The following CHRM3 variants were observed in gnomAD, a reference collection of about 807,000 sequenced individuals.
CHRM3 encodes the protein muscarinic acetylcholine receptor M3.
In CHRM3, 11 loss-of-function variants were observed where a neutral mutation model predicts 41.8. That is an observed-to-expected ratio of 0.26 (90% CI 0.17 to 0.44). The LOEUF (loss-of-function observed/expected upper bound fraction) is 0.44, where lower values mean the gene tolerates loss of function less well. CHRM3 is among the 20% of genes least tolerant of loss of function. CHRM3 has a pLI of 1.00. For missense variants in CHRM3, 571 were observed against 745.4 expected, an observed-to-expected ratio of 0.77 and a Z score of 2.72; for synonymous variants, 297 against 301.4, an observed-to-expected ratio of 0.99 and a Z score of 0.15.
chr1:239,743,243 C>T (rs1187177657), intron 5 of CHRM3, among the ~76,000 whole-genome samples: 2 of 152,152 alleles, frequency 1.3e-5, no homozygotes, highest in Non-Finnish European at 1.5e-5. Context: ...TGCCATTCAT[C>T]ATTACTTTTT....
intron 5 of CHRM3, among the ~76,000 whole-genome samples, chr1:239,825,162 T>C (rs1672352795): frequency 6.6e-6 from 1 of 152,210 alleles, no homozygotes; most frequent in Non-Finnish European, 1.5e-5. Context: ...TGCTTCATTG[T>C]AGTGATTGCT....
intron 3 of CHRM3, among the ~76,000 whole-genome samples, chr1:239,611,641 G>C (rs1040799775): frequency 2.0e-5 from 3 of 151,886 alleles, no homozygotes; most frequent in Admixed American, 6.6e-5. Flanking sequence ...GGATGGTCTT[G>C]ATCTCCTGAC....
chr1:239,538,426 C>G (rs1056191444), intron 2 of CHRM3, among the ~76,000 whole-genome samples: 2 of 152,234 alleles, frequency 1.3e-5, no homozygotes, highest in African/African-American at 2.4e-5. Context: ...TTGACCACTT[C>G]TGCTCTATTG....
At chr1:239,703,042 A>C (rs1424833282) in intron 5 of CHRM3, among the ~76,000 whole-genome samples, 1 of 152,186 alleles carries the variant, frequency 6.6e-6, no homozygotes, top group Non-Finnish European at 1.5e-5. Flanking sequence ...ACCACCCCAG[A>C]AATATATTGA....
chr1:239,404,350 GAGAAAGAAAGAAAGAAAGAAAGAA>G lies in CHRM3; in HGVS notation c.-521+17161_-521+17184del, dbSNP rs1178581793. Among the ~76,000 whole-genome samples, 55 of 68,768 alleles carry G rather than the reference GAGAAAGAAAGAAAGAAAGAAAGAA, an allele frequency of 8.0e-4. 2 individuals are homozygous for G. The highest frequency in any genetic ancestry group is 9.4e-4 in the Non-Finnish European group (34 of 36,308). The allele number at this position is 68,768 out of a possible 152,430, so 45.1% of individuals were successfully genotyped here. On this transcript the variant is annotated intron_variant, in intron 1 of 6. Transcript: ENST00000676153. ...GAAGGAAGGAAGAAAGAAAGAGAAA[GAGAAAGAAAGAAAGAAAGAAAGAA>G]AGAAAGAAAGAAAGAAAGAAAGAAA...
chr1:239,891,258 G>A (rs1324109454), intron 6 of CHRM3, among the ~76,000 whole-genome samples: 2 of 152,028 alleles, frequency 1.3e-5, no homozygotes, highest in Non-Finnish European at 2.9e-5. Context: ...CAATTCAATG[G>A]GGTTTTCTAA....
intron 5 of CHRM3, among the ~76,000 whole-genome samples, chr1:239,763,321 T>C (rs1230531309): frequency 6.6e-6 from 1 of 152,236 alleles, no homozygotes; most frequent in African/African-American, 2.4e-5. Context: ...TTTTAAGGCA[T>C]GCAAAGAATA....
intron 3 of CHRM3, among the ~76,000 whole-genome samples, chr1:239,562,577 G>GATT (rs1014289304): frequency 1.3e-4 from 19 of 151,738 alleles, no homozygotes; most frequent in Admixed American, 6.6e-4. Context: ...TGATGATGAT[G>GATT]ATTATTATTA....
At chr1:239,707,063 CACAA>C (rs1338613853) in intron 5 of CHRM3, 1 of 152,142 alleles carries the variant, frequency 6.6e-6, no homozygotes, top group Admixed American at 6.5e-5. Context: ...TACTGAGCTC[CACAA>C]ACAATTTTCT....
intron 6 of CHRM3, among the ~76,000 whole-genome samples, chr1:239,876,609 C>A (rs1677130342): frequency 6.6e-6 from 1 of 152,150 alleles, no homozygotes; most frequent in Non-Finnish European, 1.5e-5. Context: ...ATGAGACCAG[C>A]CTCCACCATG....
At chr1:239,719,514 C>T (rs531018539) in intron 5 of CHRM3, 4 of 151,858 alleles carry the variant, frequency 2.6e-5, no homozygotes, top group African/African-American at 4.8e-5. Flanking sequence ...ATCAAGCCAC[C>T]GGGTAATTCT....
rs1426870767 is a variant in CHRM3 at position 239,908,690 on chromosome 1, C to T, written c.1239C>T (p.Ser413=). Residue 413 remains serine (S), a synonymous_variant, in exon 7 of 7, where the codon AGC becomes AGT. Coordinates refer to ENST00000676153, the MANE Select transcript of CHRM3 (RefSeq NM_001375978.1). This position sits in a 1 kb window ranked among gnomAD's most constrained non-coding sequence, Gnocchi z 7.2. ...RKADKLQAQK[S]VDDGGSFPKS... ...CCGACAAGCTGCAGGCCCAGAAGAG[C>T]GTGGACGATGGAGGCAGTTTTCCAA... 26 of 1,612,772 alleles carry T rather than the reference C, an allele frequency of 1.6e-5. No homozygotes were observed. Among genetic ancestry groups the T allele is most frequent in the Admixed American group, 1.3e-4 (8 of 59,872 alleles).
chr1:239,603,911 A>G (rs1255455235), intron 3 of CHRM3, among the ~76,000 whole-genome samples: 4 of 152,154 alleles, frequency 2.6e-5, no homozygotes, highest in Non-Finnish European at 4.4e-5. Flanking sequence ...ATAGCAAATT[A>G]TGGTCCAAGT....
chr1:239,571,467 G>C (rs746633851), intron 3 of CHRM3, among the ~76,000 whole-genome samples: 2 of 152,154 alleles, frequency 1.3e-5, no homozygotes, highest in Non-Finnish European at 2.9e-5. Flanking sequence ...TTGGAGCCCA[G>C]ATTGTTTAGT....
chr1:239,612,777 C>T (rs568974675), intron 3 of CHRM3, among the ~76,000 whole-genome samples: 197 of 152,254 alleles, frequency 1.3e-3, no homozygotes, highest in African/African-American at 4.3e-3. Flanking sequence ...GATGGACTCA[C>T]CAAACAGCTG....
At chr1:239,776,151 T>G (rs1273703778) in intron 5 of CHRM3, among the ~76,000 whole-genome samples, 2 of 152,172 alleles carry the variant, frequency 1.3e-5, no homozygotes, top group African/African-American at 4.8e-5. Flanking sequence ...TTTCTCCTAT[T>G]ACTCTCATAG....
At chr1:239,581,133 G>A (rs1032975326) in intron 3 of CHRM3, among the ~76,000 whole-genome samples, 18 of 151,964 alleles carry the variant, frequency 1.2e-4, no homozygotes, top group African/African-American at 3.4e-4. Flanking sequence ...CGGTACCATC[G>A]TGGACCCTGT....
At chr1:239,571,469 T>A (rs181700112) in intron 3 of CHRM3, among the ~76,000 whole-genome samples, 2 of 152,126 alleles carry the variant, frequency 1.3e-5, no homozygotes, top group East Asian at 1.9e-4. Context: ...GGAGCCCAGA[T>A]TGTTTAGTGT....
At chr1:239,472,103 A>T (rs1666169705) in intron 1 of CHRM3, among the ~76,000 whole-genome samples, 2 of 152,164 alleles carry the variant, frequency 1.3e-5, no homozygotes, top group African/African-American at 2.4e-5. Flanking sequence ...TCATAGGCAG[A>T]TAGGACACAA....
Sources: allele counts gnomAD v4.1 joint callset (sites outside exome capture counted in the v4.1 genomes callset), GRCh38; gene constraint gnomAD v4.1.1; non-coding constraint Gnocchi (gnomAD v3.1); transcripts MANE v1.5; gene names NCBI Gene and HGNC (gene_info 2026-07-23, HGNC 2026-07-21).